Variants in PPARGC1A observed in about 807,000 individuals in gnomAD.
PPARGC1A encodes the protein peroxisome proliferator-activated receptor gamma coactivator 1-alpha.
A neutral mutation model predicts 88.7 loss-of-function variants in PPARGC1A; 25 were observed. The ratio of observed to expected loss-of-function variants is 0.28; its 90% CI spans 0.21 to 0.39. The LOEUF is 0.39. Ranked by LOEUF, PPARGC1A falls within the 10% of genes least tolerant of loss-of-function variation. The pLI is 1.00. For synonymous variants in PPARGC1A, 363 were observed against 355.6 expected (o/e 1.02, Z -0.24); for missense variants, 880 against 968.7 (o/e 0.91, Z 1.22).
At chr4:24,447,743 A>G in the PPARGC1A span, among the ~76,000 whole-genome samples, 5 of 151,932 alleles carry the variant, frequency 3.3e-5, no homozygotes, top group African/African-American at 1.2e-4. Flanking sequence ...CCACATATAC[A>G]CTCAACCCAC....
chr4:24,233,288 G>A, the PPARGC1A span, among the ~76,000 whole-genome samples: 2 of 152,184 alleles, frequency 1.3e-5, no homozygotes, highest in Non-Finnish European at 2.9e-5. Flanking sequence ...GATGTGATAT[G>A]TTGGTCTGTT....
chr4:24,151,453 C>A, the PPARGC1A span, among the ~76,000 whole-genome samples: 8 of 152,114 alleles, frequency 5.3e-5, no homozygotes, highest in Non-Finnish European at 1.2e-4. Flanking sequence ...TTCATCTAAA[C>A]CTAATCACCT....
chr4:24,342,279 C>CA, the PPARGC1A span, among the ~76,000 whole-genome samples: 10 of 151,106 alleles, frequency 6.6e-5, no homozygotes, highest in East Asian at 3.9e-4. Context: ...ATTCAAGTTT[C>CA]AAAAAAAAAT....
intron 2 of PPARGC1A, among the ~76,000 whole-genome samples, chr4:23,855,599 C>T (rs536844181): frequency 2.6e-5 from 4 of 152,136 alleles, no homozygotes; most frequent in Non-Finnish European, 5.9e-5. Context: ...TTAATATATG[C>T]TTAATAAGCA....
the PPARGC1A span, among the ~76,000 whole-genome samples, chr4:23,937,019 C>A: frequency 6.6e-6 from 1 of 151,844 alleles, no homozygotes; most frequent in African/African-American, 2.4e-5. Flanking sequence ...CACTTCTGTG[C>A]GAAGTCACGA....
intron 2 of PPARGC1A, among the ~76,000 whole-genome samples, chr4:23,843,936 A>G (rs1166516826): frequency 6.6e-6 from 1 of 152,026 alleles, no homozygotes; most frequent in Non-Finnish European, 1.5e-5. Context: ...ACATATACAT[A>G]AGTATACATA....
the PPARGC1A span, among the ~76,000 whole-genome samples, chr4:24,048,376 C>G: frequency 6.6e-6 from 1 of 152,156 alleles, no homozygotes; most frequent in Non-Finnish European, 1.5e-5. Context: ...CTCCGCAGCT[C>G]CACTCTTTTG....
the PPARGC1A span, among the ~76,000 whole-genome samples, chr4:24,330,640 T>A: frequency 6.6e-6 from 1 of 152,242 alleles, no homozygotes; most frequent in Non-Finnish European, 1.5e-5. Context: ...TTTAAGCCAC[T>A]AGATTGTGGG....
At chr4:23,856,719 G>T (rs919747741) in intron 2 of PPARGC1A, among the ~76,000 whole-genome samples, 1 of 151,994 alleles carries the variant, frequency 6.6e-6, no homozygotes, top group Non-Finnish European at 1.5e-5. Context: ...AACAGGCATG[G>T]CCCCTCCCTC....
At chr4:23,938,319 C>A in the PPARGC1A span, among the ~76,000 whole-genome samples, 1 of 152,162 alleles carries the variant, frequency 6.6e-6, no homozygotes, top group Non-Finnish European at 1.5e-5. Context: ...AGGTACACTT[C>A]CTCATTTAGA....
the PPARGC1A span, among the ~76,000 whole-genome samples, chr4:24,015,609 A>G: frequency 3.3e-5 from 5 of 152,038 alleles, no homozygotes; most frequent in African/African-American, 7.2e-5. Context: ...AGAGCTGACA[A>G]TGCTATTCTC....
At chr4:24,248,010 A>T in the PPARGC1A span, among the ~76,000 whole-genome samples, 1 of 152,164 alleles carries the variant, frequency 6.6e-6, no homozygotes, top group Non-Finnish European at 1.5e-5. Context: ...CCATTCCATA[A>T]AGGCCAGCAT....
the PPARGC1A span, among the ~76,000 whole-genome samples, chr4:24,373,347 G>C: frequency 6.6e-6 from 1 of 152,224 alleles, no homozygotes; most frequent in African/African-American, 2.4e-5. Flanking sequence ...AGACCACTGA[G>C]ATTAAGCGGC....
chr4:24,290,302 T>C, the PPARGC1A span, among the ~76,000 whole-genome samples: 2 of 152,096 alleles, frequency 1.3e-5, no homozygotes, highest in African/African-American at 4.8e-5. Flanking sequence ...ATCTGTGAGA[T>C]TTTGGTGTAC....
chr4:23,799,112 T>C (rs1718171954), intron 12 of PPARGC1A, among the ~76,000 whole-genome samples: 1 of 152,200 alleles, frequency 6.6e-6, no homozygotes, highest in Non-Finnish European at 1.5e-5. Flanking sequence ...CATATGTGTA[T>C]GCTCCTAACC....
At chr4:23,896,988 C>G (rs1386103296) in intron 1 of PPARGC1A, among the ~76,000 whole-genome samples, 1 of 152,280 alleles carries the variant, frequency 6.6e-6, no homozygotes, top group East Asian at 1.9e-4. Context: ...TGTGAAACAA[C>G]CTGTGTAAAT....
At chr4:24,401,284 C>T in the PPARGC1A span, among the ~76,000 whole-genome samples, 1 of 151,996 alleles carries the variant, frequency 6.6e-6, no homozygotes, top group East Asian at 1.9e-4. Context: ...TCCCAAAGTG[C>T]TGGGATTACA....
At chr4:24,062,172 C>A in the PPARGC1A span, among the ~76,000 whole-genome samples, 1 of 152,136 alleles carries the variant, frequency 6.6e-6, no homozygotes, top group Non-Finnish European at 1.5e-5. Context: ...CATGACTTGG[C>A]CCTCAGAAAG....
chr4:24,402,872 C>G, the PPARGC1A span, among the ~76,000 whole-genome samples: 1 of 152,220 alleles, frequency 6.6e-6, no homozygotes, highest in Non-Finnish European at 1.5e-5. Context: ...GTACGCCCTA[C>G]TTGGGCAGGA....
Sources: allele counts gnomAD v4.1 joint callset (sites outside exome capture counted in the v4.1 genomes callset), GRCh38; gene constraint gnomAD v4.1.1; transcripts MANE v1.5; gene names NCBI Gene and HGNC (gene_info 2026-07-23, HGNC 2026-07-21).